Variants in RFX2 observed in about 807,000 individuals in gnomAD.
The protein encoded by RFX2 is regulatory factor X2, also known as DNA-binding protein RFX2.
Under a neutral mutation model 87.8 loss-of-function variants are expected in RFX2, and 20 were observed. That is an observed-to-expected ratio of 0.23 (90% CI 0.16 to 0.33). The LOEUF (loss-of-function observed/expected upper bound fraction) is 0.33. RFX2 is among the 10% of genes least tolerant of loss of function. The pLI is 1.00. For missense variants in RFX2, 767 were observed against 1,012.3 expected (o/e 0.76, Z 3.29); for synonymous variants, 397 against 431.3 (o/e 0.92, Z 0.98).
intron 5 of RFX2, among the ~76,000 whole-genome samples, chr19:6,035,119 TTAAAAAAGA>T (rs1211071033): frequency 3.9e-5 from 6 of 152,156 alleles, no homozygotes; most frequent in African/African-American, 9.7e-5. Context: ...GAGAAAAATT[TTAAAAAAGA>T]TAAAAAAGAT....
Position 6,017,491 on chromosome 19 carries a change from A to C in RFX2, c.598-1220T>G, listed in dbSNP as rs964034395. The stretch of plus-strand genomic sequence containing the variant: ...GTCCCCTGATCCAGAGAGGTCTGCT[A>C]TGTGAATACAAAAGGCTTGCACTGA... On this transcript the variant is annotated intron_variant, in intron 6 of 17. Coordinates refer to ENST00000303657, the MANE Select transcript of RFX2 (RefSeq NM_000635.4). The surrounding 1 kb of genome is among the most constrained non-coding windows in gnomAD (Gnocchi z 4.1). Among the ~76,000 whole-genome samples, 8 of 152,328 alleles carry C rather than the reference A, an allele frequency of 5.3e-5. 1 individual carries two copies. Among genetic ancestry groups the C allele is most frequent in the Admixed American group, 5.2e-4 (8 of 15,300 alleles).
rs1181790802 is a variant in RFX2 at position 6,056,114 on chromosome 19, G to A, written c.-8-8610C>T. Among the ~76,000 whole-genome samples the A allele has an allele frequency of 2.0e-5, 3 of 152,138 alleles. No homozygotes were observed. The highest frequency in any genetic ancestry group is 6.5e-5 in the Admixed American group (1 of 15,280). On this transcript the variant is annotated intron_variant, in intron 1 of 17. Transcript: ENST00000303657. The surrounding 1 kb of genome is among the most constrained non-coding windows in gnomAD (Gnocchi z 4.6). ...CATTCTGTATGATAATACAGTGTGC[G>A]GTTACATGGAGTCGTGATTTGTCAA...
intron 5 of RFX2, among the ~76,000 whole-genome samples, chr19:6,032,162 G>A (rs891704825): frequency 1.3e-5 from 2 of 151,694 alleles, no homozygotes; most frequent in Non-Finnish European, 2.9e-5. Flanking sequence ...TTGCTTTGTC[G>A]CCATACTGCA....
chr19:6,077,086 C>T (rs1005276059), intron 1 of RFX2: 3 of 152,226 alleles, frequency 2.0e-5, no homozygotes, highest in African/African-American at 7.2e-5. Flanking sequence ...ACCTTATTCT[C>T]GGCTGAGCAA....
At chr19:6,108,626 G>A (rs1253606174) in intron 1 of RFX2, among the ~76,000 whole-genome samples, 1 of 152,114 alleles carries the variant, frequency 6.6e-6, no homozygotes, top group African/African-American at 2.4e-5. Context: ...AGCCTGCGCT[G>A]GTCATTTATG....
rs1302789321 is a variant in RFX2, at chr19:6,074,240, G to T, written c.-8-26736C>A. ...AGGAACAGATCTGGAGCTTGTGGCA[G>T]GAGTTCAGGTGGAACATCAGGCGGG... On this transcript the variant is annotated intron_variant, in intron 1 of 17. Coordinates refer to ENST00000303657, the MANE Select transcript of RFX2 (RefSeq NM_000635.4). The surrounding 1 kb of genome is among the most constrained non-coding windows in gnomAD (Gnocchi z 5.2). Among the ~76,000 whole-genome samples, 1 of 152,208 alleles carries T rather than the reference G, an allele frequency of 6.6e-6. No homozygotes were observed. The highest frequency in any genetic ancestry group is 1.5e-5 in the Non-Finnish European group (1 of 68,038).
chr19:6,046,815 G>A lies in RFX2; in HGVS notation c.90+592C>T, dbSNP rs186244232. 5.2e-4 allele frequency among the ~76,000 whole-genome samples: 79 copies of A among 151,898 alleles called. 1 individual carries two copies. Among genetic ancestry groups the A allele is most frequent in the African/African-American group, 1.8e-3 (73 of 41,418 alleles). On this transcript the variant is annotated intron_variant, in intron 2 of 17. Transcript: ENST00000303657. The stretch of plus-strand genomic sequence containing the variant: ...CAAGGTCTCTGTCACCCAGGCTGGA[G>A]TGTAGTGTCACAATCATGGCTTACT...
At position 6,002,620 on chromosome 19, in the gene RFX2, G is replaced by C; in HGVS notation, c.1650+101C>G. ...TGCAACAGAACCGTGGCCAGGCTCGGGGCAGGGGCCAGGTTGTGCCACGGG... is the reference window on the plus strand; with the variant it reads ...TGCAACAGAACCGTGGCCAGGCTCGCGGCAGGGGCCAGGTTGTGCCACGGG... On this transcript the variant is annotated intron_variant, in intron 14 of 17. Coordinates refer to ENST00000303657, the MANE Select transcript of RFX2 (RefSeq NM_000635.4). This position sits in a 1 kb window ranked among gnomAD's most constrained non-coding sequence, Gnocchi z 6.7. 1 of 1,453,340 alleles carries C rather than the reference G, an allele frequency of 6.9e-7. No homozygotes were observed. Among genetic ancestry groups the C allele is most frequent in the East Asian group, 2.3e-5 (1 of 43,870 alleles). The allele number at this position is 1,453,340 out of a possible 1,614,324, so 90.0% of individuals were successfully genotyped here. A position where few individuals can be genotyped will look rare whatever the true frequency, so the allele number is the denominator to read the frequency against.
rs2086679748 is a variant in RFX2, at chr19:6,013,022, A to G, written c.863T>C (p.Met288Thr). The change falls in exon 8 of 18, where the codon ATG becomes ACG. Residue 288 changes from methionine (M) to threonine (T), a missense_variant. Met to Thr is a moderately conservative substitution (Grantham distance 81). This residue lies in a region of RFX2 where 621 missense variants were observed against 873.0 expected (regional missense o/e 0.71). Coordinates refer to ENST00000303657, the MANE Select transcript of RFX2 (RefSeq NM_000635.4). The surrounding 1 kb of genome is among the most constrained non-coding windows in gnomAD (Gnocchi z 4.1). The part of the protein sequence containing the change: ...LNRLQEDTQY[M>T]AMRQQPMHQK... ...GTGCATGGGCTGCTGCCGCATGGCC[A>G]TGTACTGCGTGTCCTCCTGCAGCCG... 1 of 1,601,700 alleles carries G rather than the reference A, an allele frequency of 6.2e-7. No individual in the cohort carries two copies.
At chr19:6,014,165 A>T (rs1360105136) in intron 7 of RFX2, among the ~76,000 whole-genome samples, 1 of 152,100 alleles carries the variant, frequency 6.6e-6, no homozygotes, top group Non-Finnish European at 1.5e-5. Flanking sequence ...ACAGGATGCC[A>T]TTTCTCCAGA....
rs1345605197 is a variant in RFX2, at chr19:6,017,095, A to C, written c.598-824T>G. On this transcript the variant is annotated intron_variant, in intron 6 of 17. Coordinates refer to ENST00000303657, the MANE Select transcript of RFX2 (RefSeq NM_000635.4). This position sits in a 1 kb window ranked among gnomAD's most constrained non-coding sequence, Gnocchi z 4.1. ...TGCTTATATGCACGGTTTTGTGTCT[A>C]AGTCAAAAGGCAGGACATAGCTACT... 6.6e-6 allele frequency among the ~76,000 whole-genome samples: 1 copy of C among 152,154 alleles called. No homozygotes were observed. The highest frequency in any genetic ancestry group is 1.5e-5 in the Non-Finnish European group (1 of 68,024).
rs1002417231 is a variant in RFX2 at position 5,998,818 on chromosome 19, A to G, written c.1860-1605T>C. ...TCCCAGAGAGTAGGAGCATCGGCCGACCACCACCAAGGGAGGCCCAGCCAG... is the reference window on the plus strand; with the variant it reads ...TCCCAGAGAGTAGGAGCATCGGCCGGCCACCACCAAGGGAGGCCCAGCCAG... On this transcript the variant is annotated intron_variant, in intron 15 of 17. Transcript: ENST00000303657. This position sits in a 1 kb window ranked among gnomAD's most constrained non-coding sequence, Gnocchi z 4.2. Among the ~76,000 whole-genome samples, 3 of 152,174 alleles carry G rather than the reference A, an allele frequency of 2.0e-5. No individual in the cohort carries two copies. Among genetic ancestry groups the G allele is most frequent in the Admixed American group, 6.5e-5 (1 of 15,274 alleles).
rs1053405905 is a variant in RFX2, at chr19:5,994,907, G to C, written c.2100C>G (p.Asp700Glu). Residue 700 changes from aspartate to glutamate, a missense_variant, in exon 18 of 18, where the codon GAC (aspartate) becomes GAG (glutamate). Transcript: ENST00000303657. ...DEQRGSEAGPDARSLGEPLVK... is the reference protein window; with the variant it reads ...DEQRGSEAGPEARSLGEPLVK... ...CCAGGGGCTCACCCAGGCTGCGGGCGTCTGGGCCCGCCTCGCTGCCACGCT... is the reference window on the plus strand; with the variant it reads ...CCAGGGGCTCACCCAGGCTGCGGGCCTCTGGGCCCGCCTCGCTGCCACGCT... 6.2e-7 allele frequency: 1 copy of C among 1,609,512 alleles called. No individual in the cohort carries two copies. Among genetic ancestry groups the C allele is most frequent in the South Asian group, 1.1e-5 (1 of 91,070 alleles).
chr19:6,036,092 A>T (rs2087019322), intron 5 of RFX2, among the ~76,000 whole-genome samples: 5 of 152,172 alleles, frequency 3.3e-5, no homozygotes, highest in Admixed American at 3.3e-4. Context: ...TTTTACTGTT[A>T]TAAGTTGATG....
chr19:6,077,900 A>G lies in RFX2; in HGVS notation c.-8-30396T>C, dbSNP rs2087715732. On this transcript the variant is annotated intron_variant, in intron 1 of 17. Transcript: ENST00000303657. ...GAGGCTGAGGCAGGAGAATCGCTTG[A>G]ACCCGGGAGGCGGAGGTTGCAGTGA... Among the ~76,000 whole-genome samples, 5 of 151,338 alleles carry G rather than the reference A, an allele frequency of 3.3e-5. No homozygotes were observed. The South Asian group carries it at 1.0e-3, about 32-fold the overall frequency.
At chr19:6,106,463 T>C (rs2088218843) in intron 1 of RFX2, among the ~76,000 whole-genome samples, 1 of 152,220 alleles carries the variant, frequency 6.6e-6, no homozygotes, top group African/African-American at 2.4e-5. Flanking sequence ...AATTTTTTTG[T>C]AAATTTGGCA....
rs1232875825 is a variant in RFX2 at position 6,090,819 on chromosome 19, A to G, written c.-9+19574T>C. Among the ~76,000 whole-genome samples the G allele has an allele frequency of 3.3e-5, 5 of 152,250 alleles. No individual in the cohort carries two copies. In the East Asian group the frequency reaches 7.7e-4, roughly 23 times the overall value. On this transcript the variant is annotated intron_variant, in intron 1 of 17. Transcript: ENST00000303657. Reference sequence around the variant, plus strand: ...ATGTGGTCCACCCATGGAGTGGAATACTATTCAGCCATAAAAAAGAATGAA... The same window carrying G: ...ATGTGGTCCACCCATGGAGTGGAATGCTATTCAGCCATAAAAAAGAATGAA...
At chr19:6,092,180 C>G (rs1252581213) in intron 1 of RFX2, among the ~76,000 whole-genome samples, 4 of 152,098 alleles carry the variant, frequency 2.6e-5, no homozygotes, top group African/African-American at 4.8e-5. Flanking sequence ...AAATTGTTTA[C>G]GTAGAGTTAA....
At position 6,013,608 on chromosome 19, in the gene RFX2, C is replaced by T. The variant is rs1164581844; in HGVS notation, c.780-503G>A. On this transcript the variant is annotated intron_variant, in intron 7 of 17. Coordinates refer to ENST00000303657, the MANE Select transcript of RFX2 (RefSeq NM_000635.4). The surrounding 1 kb of genome is among the most constrained non-coding windows in gnomAD (Gnocchi z 4.1). ...TACCAGGAGGTCACTATCACTTGAC[C>T]TCCTGGGATCAAGTGATCCTCCTGC... Among the ~76,000 whole-genome samples, 2 of 152,078 alleles carry T rather than the reference C, an allele frequency of 1.3e-5. No homozygotes were observed. The highest frequency in any genetic ancestry group is 2.4e-5 in the African/African-American group (1 of 41,392).
Sources: allele counts gnomAD v4.1 joint callset (sites outside exome capture counted in the v4.1 genomes callset), GRCh38; gene constraint gnomAD v4.1.1; regional missense constraint gnomAD v4.1.1; non-coding constraint Gnocchi (gnomAD v3.1); transcripts MANE v1.5; gene names NCBI Gene and HGNC (gene_info 2026-07-23, HGNC 2026-07-21).